TAPBP: variants seen among roughly 807,000 people sequenced by gnomAD.
TAPBP encodes TAP binding protein, also known as tapasin.
TAPBP carries 38 observed loss-of-function variants against 45.7 expected under a neutral mutation model. The ratio of observed to expected loss-of-function variants is 0.83; its 90% CI spans 0.64 to 1.09. The LOEUF (loss-of-function observed/expected upper bound fraction) is 1.09, where lower values mean the gene tolerates loss of function less well. TAPBP is among the 50% of genes least tolerant of loss of function. The pLI is 0.00. For missense variants in TAPBP, 513 were observed against 587.3 expected (o/e 0.87, Z 1.31); for synonymous variants, 226 against 254.8 (o/e 0.89, Z 1.08).
At chr6:33,302,287 A>G (rs769314390) in intron 7 of TAPBP, among the ~76,000 whole-genome samples, 3 of 151,600 alleles carry the variant, frequency 2.0e-5, no homozygotes, top group Non-Finnish European at 2.9e-5. Context: ...CTGGGACTAT[A>G]GCTGTGTGCC....
Position 33,304,835 on chromosome 6 carries a change from C to T in TAPBP, c.868+154G>A. The T allele has an allele frequency of 3.7e-6, 5 of 1,348,058 alleles. No individual in the cohort carries two copies. The South Asian group carries it at 7.1e-5, about 19-fold the overall frequency. 83.5% of individuals were successfully genotyped at this position (1,348,058 alleles called of 1,614,324 possible). On this transcript the variant is annotated intron_variant, in intron 4 of 7. Coordinates refer to ENST00000434618, the MANE Select transcript of TAPBP (RefSeq NM_003190.5). ...AGCCCCTCAAATTTCCAGGAAACTT[C>T]TAGCCTCCCATTACCCCTCTAACTC...
intron 3 of TAPBP, among the ~76,000 whole-genome samples, chr6:33,309,333 C>T (rs931856058): frequency 1.7e-4 from 25 of 151,332 alleles, no homozygotes; most frequent in African/African-American, 5.8e-4. Flanking sequence ...TGTGGTGAGC[C>T]GAGATCATGC....
chr6:33,302,388 G>A (rs374897179), intron 7 of TAPBP, among the ~76,000 whole-genome samples: 37 of 151,978 alleles, frequency 2.4e-4, no homozygotes, highest in Admixed American at 7.2e-4. Context: ...GCAGTGGTGC[G>A]ATCTCGGCTC....
intron 3 of TAPBP, among the ~76,000 whole-genome samples, chr6:33,310,003 C>T (rs1356261192): frequency 6.6e-6 from 1 of 151,558 alleles, no homozygotes; most frequent in Non-Finnish European, 1.5e-5. Flanking sequence ...GGATTACAGG[C>T]ATGAGCCACT....
chr6:33,307,058 C>T (rs1213583961), intron 3 of TAPBP, among the ~76,000 whole-genome samples: 6 of 151,370 alleles, frequency 4.0e-5, no homozygotes, highest in Non-Finnish European at 7.4e-5. Context: ...TAGCCTGAGG[C>T]GGGTGGATTA....
rs573645233 is a variant in TAPBP, at chr6:33,313,493, G to C, written c.209-16C>G. On this transcript the variant is annotated splice_polypyrimidine_tract_variant and intron_variant, in intron 2 of 7. Coordinates refer to ENST00000434618, the MANE Select transcript of TAPBP (RefSeq NM_003190.5). The surrounding 1 kb of genome is among the most constrained non-coding windows in gnomAD (Gnocchi z 7.2). ...CCCGCGGGGTCTGAGTGTAGAGAAG[G>C]AAGTTGCAGCTGTAGAGTCACCGCC... 3.9e-6 allele frequency: 6 copies of C among 1,544,590 alleles called. No individual in the cohort carries two copies. The African/African-American group carries it at 8.2e-5, about 21-fold the overall frequency.
chr6:33,313,123 C>T lies in TAPBP; in HGVS notation c.469+94G>A. The T allele has an allele frequency of 3.5e-6, 5 of 1,440,250 alleles. No individual in the cohort carries two copies. The highest frequency in any genetic ancestry group is 4.7e-6 in the Non-Finnish European group (5 of 1,068,866). 89.2% of individuals were successfully genotyped at this position (1,440,250 alleles called of 1,614,324 possible). A position where few individuals can be genotyped will look rare whatever the true frequency, so the allele number is the denominator to read the frequency against. On this transcript the variant is annotated intron_variant, in intron 3 of 7. Coordinates refer to ENST00000434618, the MANE Select transcript of TAPBP (RefSeq NM_003190.5). This position sits in a 1 kb window ranked among gnomAD's most constrained non-coding sequence, Gnocchi z 7.2. ...AAAAAGGAAACTGAACCCCGATTGGCGAAATGTCTTGCTCAAGTCCATAAA... is the reference window on the plus strand; with the variant it reads ...AAAAAGGAAACTGAACCCCGATTGGTGAAATGTCTTGCTCAAGTCCATAAA...
In TAPBP at chr6:33,313,337, G is replaced by T; in HGVS notation, c.349C>A (p.Arg117=). 1 of 1,613,368 alleles carries T rather than the reference G, an allele frequency of 6.2e-7. No homozygotes were observed. The change falls in exon 3 of 8, where the codon CGG becomes AGG. Residue 117 remains arginine, a synonymous_variant. Coordinates refer to ENST00000434618, the MANE Select transcript of TAPBP (RefSeq NM_003190.5). This position sits in a 1 kb window ranked among gnomAD's most constrained non-coding sequence, Gnocchi z 7.2. ...SGLTPAQNCP[R]ALDGAWLMVS... ...ATCAGCCAAGCCCCATCCAGGGCCC[G>T]CGGGCAGTTCTGCGCGGGGGTCAGG...
rs1768546945 is a variant in TAPBP at position 33,301,160 on chromosome 6, A to G, written c.*600T>C. ...AAATATTGATAGCTATAACCCACAT[A>G]CCCAAAAGCTTTTTGGGGTCCTTGA... On this transcript the variant is annotated 3_prime_UTR_variant, in exon 8 of 8. Coordinates refer to ENST00000434618, the MANE Select transcript of TAPBP (RefSeq NM_003190.5). The G allele has an allele frequency of 6.6e-6, 1 of 152,378 alleles. No homozygotes were observed. The highest frequency in any genetic ancestry group is 1.5e-5 in the Non-Finnish European group (1 of 68,228). 9.4% of individuals were successfully genotyped at this position (152,378 alleles called of 1,614,324 possible). A position where few individuals can be genotyped will look rare whatever the true frequency, so the allele number is the denominator to read the frequency against.
chr6:33,313,931 G>C lies in TAPBP; in HGVS notation c.38-67C>G, dbSNP rs1199737277. The C allele has an allele frequency of 1.2e-6, 2 of 1,612,630 alleles. No individual in the cohort carries two copies. The highest frequency in any genetic ancestry group is 1.3e-5 in the African/African-American group (1 of 74,910). On this transcript the variant is annotated intron_variant, in intron 1 of 7. Coordinates refer to ENST00000434618, the MANE Select transcript of TAPBP (RefSeq NM_003190.5). This position sits in a 1 kb window ranked among gnomAD's most constrained non-coding sequence, Gnocchi z 7.2. ...GGTGACCTGCCCCACTCCCACCCTG[G>C]CATCGGCTCCAGTGGGGCCACCTCC...
chr6:33,304,035 G>T, intron 6 of TAPBP, 46 bp from the exon 7 acceptor site: 1 of 1,613,370 alleles, frequency 6.2e-7, no homozygotes, highest in Non-Finnish European at 8.5e-7. Context: ...AGTGGTAGAG[G>T]TGGAGGGCAG....
At position 33,313,732 on chromosome 6, in the gene TAPBP, CGGG is replaced by C. The variant is rs1004856880; in HGVS notation, c.167_169del (p.Pro56del). On this transcript the variant is annotated inframe_deletion, in exon 2 of 8. Coordinates refer to ENST00000434618, the MANE Select transcript of TAPBP (RefSeq NM_003190.5). This position sits in a 1 kb window ranked among gnomAD's most constrained non-coding sequence, Gnocchi z 7.2. ...ATAGAGCTCAGGGTCGAGGTCCGGC[CGGG>C]GCGGCGGTTCCCCCGGTCCCTGGCG... 7 of 1,613,364 alleles carry C rather than the reference CGGG, an allele frequency of 4.3e-6. No individual in the cohort carries two copies. The highest frequency in any genetic ancestry group is 5.9e-6 in the Non-Finnish European group (7 of 1,179,940).
chr6:33,302,115 A>G (rs184048348), intron 7 of TAPBP, among the ~76,000 whole-genome samples: 1 of 151,886 alleles, frequency 6.6e-6, no homozygotes, highest in Non-Finnish European at 1.5e-5. Context: ...TAAGGTGAGA[A>G]AAGGGCTGCA....
At chr6:33,310,783 C>A (rs773991051) in intron 3 of TAPBP, among the ~76,000 whole-genome samples, 8 of 152,098 alleles carry the variant, frequency 5.3e-5, no homozygotes, top group Non-Finnish European at 8.8e-5. Context: ...CATGCCACTG[C>A]TCTCCAGCCT....
rs1237819485 is a variant in TAPBP at position 33,305,444 on chromosome 6, G to GA, written c.470-58dup. On this transcript the variant is annotated intron_variant, in intron 3 of 7. Transcript: ENST00000434618. The surrounding 1 kb of genome is among the most constrained non-coding windows in gnomAD (Gnocchi z 4.4). ...GGGGCATGAGGGAGAGAAAGAAGGA[G>GA]AAAAAAATAGAGAAATGCAGTTATT... The GA allele has an allele frequency of 1.3e-5, 19 of 1,450,390 alleles. No homozygotes were observed. Among genetic ancestry groups the GA allele is most frequent in the Admixed American group, 2.8e-5 (1 of 35,118 alleles). 89.8% of individuals were successfully genotyped at this position (1,450,390 alleles called of 1,614,324 possible).
chr6:33,306,141 C>T (rs1305609806), intron 3 of TAPBP, among the ~76,000 whole-genome samples: 2 of 152,198 alleles, frequency 1.3e-5, no homozygotes, highest in Admixed American at 6.5e-5. Flanking sequence ...GAGACACCTA[C>T]CCATGAAGGG....
Position 33,301,654 on chromosome 6 carries a change from A to G in TAPBP, c.*106T>C, listed in dbSNP as rs752637169. On this transcript the variant is annotated 3_prime_UTR_variant, in exon 8 of 8. Coordinates refer to ENST00000434618, the MANE Select transcript of TAPBP (RefSeq NM_003190.5). The stretch of plus-strand genomic sequence containing the variant: ...AGCATTCCAGCCACTCAGTGGAGAG[A>G]GATTGGAGGGATTAGGAGCAGATGA... 5.6e-5 allele frequency: 53 copies of G among 950,652 alleles called. No homozygotes were observed. The highest frequency in any genetic ancestry group is 5.4e-5 in the Non-Finnish European group (32 of 597,100). The allele number at this position is 950,652 out of a possible 1,614,324, so 58.9% of individuals were successfully genotyped here. A position where few individuals can be genotyped will look rare whatever the true frequency, so the allele number is the denominator to read the frequency against.
In TAPBP at chr6:33,303,967, C is replaced by T. The variant is rs1027705232; in HGVS notation, c.1323G>A (p.Lys441=). ...GWAAVYLSTC[K]DSKKKAE The stretch of plus-strand genomic sequence containing the variant: ...TGGAGCACTGTACCTTCTTTGAATC[C>T]TTGCAGGTGGACAGGTAGACAGCTG... The change falls in exon 7 of 8, where the codon AAG becomes AAA. Residue 441 remains lysine (K), a synonymous_variant. Transcript: ENST00000434618. The T allele has an allele frequency of 6.2e-7, 1 of 1,613,762 alleles. No individual in the cohort carries two copies. Among genetic ancestry groups the T allele is most frequent in the African/African-American group, 1.3e-5 (1 of 74,866 alleles).
At chr6:33,304,062 C>T in intron 6 of TAPBP, 66 bp downstream of exon 6, 1 of 1,611,138 alleles carries the variant, frequency 6.2e-7, no homozygotes, top group South Asian at 1.1e-5. Flanking sequence ...GGGTGTCAGG[C>T]TCTTGGGAGT....
Sources: allele counts gnomAD v4.1 joint callset (sites outside exome capture counted in the v4.1 genomes callset), GRCh38; gene constraint gnomAD v4.1.1; non-coding constraint Gnocchi (gnomAD v3.1); transcripts MANE v1.5; gene names NCBI Gene and HGNC (gene_info 2026-07-23, HGNC 2026-07-21).